Variants in SNTG1 observed in about 807,000 individuals in gnomAD.
The protein encoded by SNTG1 is syntrophin gamma 1, also known as gamma-1-syntrophin.
SNTG1 carries 39 observed loss-of-function variants against 74.7 expected under a neutral mutation model. The observed-to-expected ratio is 0.52, with a 90% CI of 0.40 to 0.68. The LOEUF (loss-of-function observed/expected upper bound fraction) is 0.68, where lower values mean the gene tolerates loss of function less well. SNTG1 is among the 30% of genes least tolerant of loss of function. The probability of loss-of-function intolerance (pLI) is 0.00; values close to 1 mark genes in which losing one functional copy is unlikely to be tolerated. For synonymous variants in SNTG1, 254 were observed against 217.1 expected (o/e 1.17, Z -1.49); for missense variants, 685 against 609.5 (o/e 1.12, Z -1.30).
chr8:50,275,533 A>G (rs2088045205), intron 2 of SNTG1, among the ~76,000 whole-genome samples: 2 of 152,220 alleles, frequency 1.3e-5, no homozygotes, highest in South Asian at 2.1e-4. Context: ...AAATAACATT[A>G]TAACACTTCA....
At chr8:50,762,796 C>G (rs879086596) in intron 18 of SNTG1, 3 of 456,522 alleles carry the variant, frequency 6.6e-6, no homozygotes, top group South Asian at 3.1e-5. Context: ...CAACATCACC[C>G]ATATTTAATT....
intron 11 of SNTG1, among the ~76,000 whole-genome samples, chr8:50,543,030 G>GTA (rs1473754858): frequency 6.6e-6 from 1 of 152,018 alleles, no homozygotes; most frequent in East Asian, 1.9e-4. Context: ...TTCCCATTCT[G>GTA]TAGATTGTCT....
chr8:50,686,932 G>C (rs200656811), intron 15 of SNTG1, among the ~76,000 whole-genome samples: 1 of 151,138 alleles, frequency 6.6e-6, no homozygotes, highest in Non-Finnish European at 1.5e-5. Context: ...TCAGGAGATC[G>C]AGACCATCCT....
chr8:50,730,859 A>G (rs181106296), intron 17 of SNTG1, among the ~76,000 whole-genome samples: 3 of 152,230 alleles, frequency 2.0e-5, no homozygotes, highest in South Asian at 2.1e-4. Context: ...TTACTGTTCT[A>G]TTGGAAGAAC....
At chr8:50,773,746 A>T (rs1229466822) in intron 18 of SNTG1, among the ~76,000 whole-genome samples, 2 of 152,120 alleles carry the variant, frequency 1.3e-5, no homozygotes, top group African/African-American at 4.8e-5. Context: ...TCTGTAAGAA[A>T]ATAGACTCAA....
At chr8:50,052,400 A>G (rs747471214) in intron 1 of SNTG1, among the ~76,000 whole-genome samples, 1 of 152,138 alleles carries the variant, frequency 6.6e-6, no homozygotes, top group Non-Finnish European at 1.5e-5. Flanking sequence ...TGGATGCCTA[A>G]TTTACACCAT....
At chr8:50,321,634 G>A (rs578140977) in intron 2 of SNTG1, among the ~76,000 whole-genome samples, 134 of 152,036 alleles carry the variant, frequency 8.8e-4, no homozygotes, top group Middle Eastern at 3.4e-3. Context: ...TACTGAAGCT[G>A]ACTTTCTCTG....
chr8:49,970,202 C>A (rs1362075574), intron 1 of SNTG1, among the ~76,000 whole-genome samples: 1 of 151,988 alleles, frequency 6.6e-6, no homozygotes, highest in African/African-American at 2.4e-5. Flanking sequence ...TTCACAGTGC[C>A]TATTTGATGA....
At chr8:49,913,288 C>A (rs1452832210) in intron 1 of SNTG1, among the ~76,000 whole-genome samples, 1 of 152,120 alleles carries the variant, frequency 6.6e-6, no homozygotes, top group Non-Finnish European at 1.5e-5. Context: ...AAAGAGTCTA[C>A]CCCTTTGAAA....
intron 11 of SNTG1, among the ~76,000 whole-genome samples, chr8:50,537,700 T>C (rs1375082370): frequency 6.6e-6 from 1 of 152,192 alleles, no homozygotes; most frequent in Non-Finnish European, 1.5e-5. Flanking sequence ...CTGAGAGATA[T>C]AACCTCCAGG....
At chr8:50,515,590 G>A (rs1055315856) in intron 9 of SNTG1, among the ~76,000 whole-genome samples, 2 of 151,978 alleles carry the variant, frequency 1.3e-5, no homozygotes, top group African/African-American at 2.4e-5. Context: ...GTCTGAAGTT[G>A]ATCTGGGACA....
intron 1 of SNTG1, among the ~76,000 whole-genome samples, chr8:50,134,333 C>T (rs1051796338): frequency 1.2e-4 from 19 of 152,112 alleles, no homozygotes; most frequent in African/African-American, 4.3e-4. Flanking sequence ...AGCTGGAGAT[C>T]GCCAATGCCT....
At chr8:50,311,706 C>G (rs1006733514) in intron 2 of SNTG1, among the ~76,000 whole-genome samples, 1 of 152,084 alleles carries the variant, frequency 6.6e-6, no homozygotes, top group South Asian at 2.1e-4. Flanking sequence ...ATGAACTCAA[C>G]AAAGAAAACA....
At chr8:50,751,101 AT>A (rs1334514827) in intron 17 of SNTG1, among the ~76,000 whole-genome samples, 1 of 152,110 alleles carries the variant, frequency 6.6e-6, no homozygotes, top group Non-Finnish European at 1.5e-5. Context: ...CATTTAAAAA[AT>A]ATTTGAAACA....
chr8:50,468,875 T>G (rs1256210093), intron 8 of SNTG1, among the ~76,000 whole-genome samples: 2 of 152,210 alleles, frequency 1.3e-5, no homozygotes, highest in African/African-American at 4.8e-5. Flanking sequence ...CTGTGCTGCT[T>G]CTTCATGTGT....
At chr8:50,626,618 C>T (rs928254072) in intron 13 of SNTG1, among the ~76,000 whole-genome samples, 1 of 152,212 alleles carries the variant, frequency 6.6e-6, no homozygotes, top group African/African-American at 2.4e-5. Context: ...GGGATTGCCT[C>T]TGGCTAGTTA....
chr8:49,972,861 A>G (rs1811827613), intron 1 of SNTG1, among the ~76,000 whole-genome samples: 1 of 152,120 alleles, frequency 6.6e-6, no homozygotes, highest in Admixed American at 6.6e-5. Flanking sequence ...AAGTCAGGAA[A>G]CAACAGGTGC....
At chr8:49,996,699 C>G (rs926156427) in intron 1 of SNTG1, among the ~76,000 whole-genome samples, 1 of 152,106 alleles carries the variant, frequency 6.6e-6, no homozygotes, top group Non-Finnish European at 1.5e-5. Context: ...CAACACTTTT[C>G]ACTACTTTGT....
At chr8:50,314,703 A>G (rs1389688879) in intron 2 of SNTG1, among the ~76,000 whole-genome samples, 1 of 150,202 alleles carries the variant, frequency 6.7e-6, no homozygotes, top group Admixed American at 6.7e-5. Flanking sequence ...GAAATGATCT[A>G]TATCACCCCT....
Sources: gnomAD v4.1 joint callset for allele counts (sites outside exome capture counted in the v4.1 genomes callset) on GRCh38, gnomAD v4.1.1 for gene constraint, MANE v1.5 for transcripts, NCBI Gene and HGNC (gene_info 2026-07-23, HGNC 2026-07-21) for gene names.